DDX60L: variants seen among roughly 807,000 people sequenced by gnomAD.
DDX60L encodes the protein probable ATP-dependent RNA helicase DDX60-like.
Under a neutral mutation model 211.6 loss-of-function variants are expected in DDX60L, and 191 were observed. That is an observed-to-expected ratio of 0.90 (90% CI 0.80 to 1.02). DDX60L has a LOEUF of 1.02. Ranked by LOEUF, DDX60L falls within the 50% of genes least tolerant of loss-of-function variation. The probability of loss-of-function intolerance (pLI) is 0.00; values close to 1 mark genes in which losing one functional copy is unlikely to be tolerated. For missense variants in DDX60L, 2,007 were observed against 1,984.1 expected (o/e 1.01, Z -0.22); for synonymous variants, 706 against 694.1 (o/e 1.02, Z -0.27).
Position 168,456,171 on chromosome 4 carries a change from C to A in DDX60L, c.724-19G>T. ...GATACGCCTATCAAAAAAGAAATTT[C>A]TTCAAATGTCAAATTATTTAGAAAT... On this transcript the variant is annotated intron_variant, in intron 6 of 37. Coordinates refer to ENST00000682922, the MANE Select transcript of DDX60L (RefSeq NM_001012967.3). The A allele has an allele frequency of 7.0e-7, 1 of 1,421,638 alleles. No individual in the cohort carries two copies. Among genetic ancestry groups the A allele is most frequent in the South Asian group, 1.4e-5 (1 of 71,512 alleles). 88.1% of individuals were successfully genotyped at this position (1,421,638 alleles called of 1,614,324 possible).
intron 6 of DDX60L, 90 bp from the exon 7 acceptor site, chr4:168,456,242 A>C (rs1756554665): frequency 1.4e-6 from 1 of 695,534 alleles, no homozygotes; most frequent in Admixed American, 4.1e-5. Flanking sequence ...ACATAAAGAA[A>C]ACGATTGTAT....
chr4:168,446,658 G>A (rs1754855133), intron 9 of DDX60L, among the ~76,000 whole-genome samples: 1 of 151,346 alleles, frequency 6.6e-6, no homozygotes. Context: ...AACCAAAACA[G>A]CATGGTACTG....
intron 36 of DDX60L, among the ~76,000 whole-genome samples, chr4:168,369,136 G>T (rs774517253): frequency 6.6e-6 from 1 of 152,162 alleles, no homozygotes; most frequent in African/African-American, 2.4e-5. Context: ...TAGTTTGCCT[G>T]TGTCCCCACC....
At chr4:168,447,391 G>C (rs544715544) in intron 9 of DDX60L, among the ~76,000 whole-genome samples, 17 of 147,498 alleles carry the variant, frequency 1.2e-4, no homozygotes, top group Admixed American at 6.8e-4. Flanking sequence ...AACAGGTGCT[G>C]GAGAGGATGT....
At chr4:168,467,092 T>A (rs1232283372) in intron 4 of DDX60L, among the ~76,000 whole-genome samples, 1 of 152,120 alleles carries the variant, frequency 6.6e-6, no homozygotes, top group Non-Finnish European at 1.5e-5. Flanking sequence ...TAAAACTGCA[T>A]AATCTGAAAA....
intron 7 of DDX60L, among the ~76,000 whole-genome samples, chr4:168,453,759 T>C (rs1430436862): frequency 6.6e-6 from 1 of 152,104 alleles, no homozygotes; most frequent in Non-Finnish European, 1.5e-5. Flanking sequence ...TTCGAATATA[T>C]AAAAGGTTGT....
At chr4:168,375,266 C>T in intron 34 of DDX60L, 111 bp downstream of exon 34, 1 of 1,151,632 alleles carries the variant, frequency 8.7e-7, no homozygotes, top group Non-Finnish European at 1.2e-6. Context: ...AGTACAGCTG[C>T]CCTGTAATAA....
Position 168,419,389 on chromosome 4 carries a change from A to G in DDX60L, c.2523T>C (p.Ile841=). 6.3e-7 allele frequency: 1 copy of G among 1,582,658 alleles called. No individual in the cohort carries two copies. Among genetic ancestry groups the G allele is most frequent in the Non-Finnish European group, 8.6e-7 (1 of 1,162,182 alleles). Residue 841 remains isoleucine, a synonymous_variant, in exon 19 of 38, where the codon ATT becomes ATC. Transcript: ENST00000682922. Reference sequence around the variant, plus strand: ...GGATTTCAAAACATTCCGGCACTGTAATAAGTACCTACAAATATGAATGAT... The same window carrying G: ...GGATTTCAAAACATTCCGGCACTGTGATAAGTACCTACAAATATGAATGAT... The part of the protein sequence containing the change: ...CHNVLNCQVL[I]TVPECFEILL...
At chr4:168,381,258 CAA>C in intron 30 of DDX60L, among the ~76,000 whole-genome samples, 1 of 152,246 alleles carries the variant, frequency 6.6e-6, no homozygotes, top group East Asian at 1.9e-4. Flanking sequence ...TGCTGATAGT[CAA>C]GACAATTGGA....
intron 16 of DDX60L, 27 bp downstream of exon 16, chr4:168,422,497 G>A (rs372598565): frequency 6.3e-7 from 1 of 1,591,994 alleles, no homozygotes; most frequent in Admixed American, 1.8e-5. Flanking sequence ...ACACTGATTA[G>A]AAAAGTACAA....
At chr4:168,387,418 G>A (rs1051285552) in intron 29 of DDX60L, among the ~76,000 whole-genome samples, 21 of 152,222 alleles carry the variant, frequency 1.4e-4, no homozygotes, top group African/African-American at 5.1e-4. Context: ...TCCTTCATTT[G>A]CAAACAAAGG....
rs550304256 is a variant in DDX60L, at chr4:168,422,890, C to T, written c.2098-220G>A. On this transcript the variant is annotated intron_variant, in intron 15 of 37. Transcript: ENST00000682922. ...TGCTGAGTGCAAGTGATCTTCCTAC[C>T]TCAGCCCCACCACTCCCTATCCCAT... 2.6e-5 allele frequency among the ~76,000 whole-genome samples: 4 copies of T among 152,082 alleles called. No homozygotes were observed. The South Asian group carries it at 8.3e-4, about 32-fold the overall frequency.
In DDX60L at chr4:168,398,601, C is replaced by A. The variant is rs191140580; in HGVS notation, c.3491+2225G>T. 3.2e-3 allele frequency among the ~76,000 whole-genome samples: 492 copies of A among 152,326 alleles called. 1 individual carries two copies. Among genetic ancestry groups the A allele is most frequent in the African/African-American group, 0.011 (463 of 41,576 alleles). Reference sequence around the variant, plus strand: ...GGGCTGGGCTGCCAGTCCTGTGGACCAGAGTGGGAACTTAACGGTGCTTTC... The same window carrying A: ...GGGCTGGGCTGCCAGTCCTGTGGACAAGAGTGGGAACTTAACGGTGCTTTC... On this transcript the variant is annotated intron_variant, in intron 26 of 37. Coordinates refer to ENST00000682922, the MANE Select transcript of DDX60L (RefSeq NM_001012967.3).
intron 16 of DDX60L, 94 bp from the exon 17 acceptor site, chr4:168,422,003 T>G: frequency 6.7e-7 from 1 of 1,501,722 alleles, no homozygotes; most frequent in Non-Finnish European, 9.1e-7. Context: ...CTCCTGTGCC[T>G]GTATTATGCT....
intron 26 of DDX60L, 115 bp downstream of exon 26, chr4:168,400,711 G>T: frequency 2.2e-6 from 2 of 889,350 alleles, no homozygotes; most frequent in Non-Finnish European, 1.7e-6. Flanking sequence ...TGCAAAAACT[G>T]TGAAGCAATA....
chr4:168,384,900 C>A, intron 29 of DDX60L, 88 bp from the exon 30 acceptor site: 4 of 1,304,270 alleles, frequency 3.1e-6, no homozygotes, highest in Non-Finnish European at 4.3e-6. Flanking sequence ...ACTTGTTATC[C>A]GGGATTGTGT....
Position 168,357,074 on chromosome 4 carries a change from G to GT in DDX60L, c.*1072dup, listed in dbSNP as rs1014086977. ...TTCCCTTATGTTTGTTTGTATGCTT[G>GT]TTTTTTAAGTATGATACTGAGGGCA... is the stretch of plus-strand genomic sequence containing the variant. On this transcript the variant is annotated 3_prime_UTR_variant, in exon 38 of 38. Transcript: ENST00000682922. 1.3e-5 allele frequency: 2 copies of GT among 152,024 alleles called. No homozygotes were observed. The highest frequency in any genetic ancestry group is 4.8e-5 in the African/African-American group (2 of 41,402). The allele number at this position is 152,024 out of a possible 1,614,324, so 9.4% of individuals were successfully genotyped here. A position where few individuals can be genotyped will look rare whatever the true frequency, so the allele number is the denominator to read the frequency against.
chr4:168,477,248 T>C (rs1021992000), intron 1 of DDX60L, among the ~76,000 whole-genome samples: 52 of 152,006 alleles, frequency 3.4e-4, no homozygotes, highest in African/African-American at 1.2e-3. Flanking sequence ...ACCCTGTCTC[T>C]ACTAAAAATA....
chr4:168,414,904 CA>C (rs1461597886), intron 22 of DDX60L, among the ~76,000 whole-genome samples: 2 of 143,022 alleles, frequency 1.4e-5, no homozygotes, highest in African/African-American at 5.2e-5. Flanking sequence ...TTAATGAGCA[CA>C]AAAAAATAGA....
Sources: gnomAD v4.1 joint callset for allele counts (sites outside exome capture counted in the v4.1 genomes callset) on GRCh38, gnomAD v4.1.1 for gene constraint, MANE v1.5 for transcripts, NCBI Gene and HGNC (gene_info 2026-07-23, HGNC 2026-07-21) for gene names.